ELAVL2: variants seen among roughly 807,000 people sequenced by gnomAD.
ELAVL2 encodes the protein ELAV like RNA binding protein 2, also known as ELAV-like protein 2.
In ELAVL2, 4 loss-of-function variants were observed where a neutral mutation model predicts 34.6. That is an observed-to-expected ratio of 0.12 (90% CI 0.06 to 0.26). The LOEUF is 0.26. Ranked by LOEUF, ELAVL2 falls within the 10% of genes least tolerant of loss-of-function variation. The pLI, the probability that ELAVL2 is intolerant of heterozygous loss-of-function variation, is 1.00. For synonymous variants in ELAVL2, 193 were observed against 154.8 expected (o/e 1.25, Z -1.83); for missense variants, 432 against 442.8 (o/e 0.98, Z 0.22).
At chr9:23,806,405 G>GC (rs2062227213) in intron 1 of ELAVL2, among the ~76,000 whole-genome samples, 1 of 152,240 alleles carries the variant, frequency 6.6e-6, no homozygotes, top group Non-Finnish European at 1.5e-5. Context: ...GAAGTCCAAA[G>GC]CAGAAGGATC....
At chr9:23,712,162 T>C (rs1038396395) in intron 3 of ELAVL2, among the ~76,000 whole-genome samples, 4 of 152,012 alleles carry the variant, frequency 2.6e-5, no homozygotes, top group African/African-American at 7.2e-5. Flanking sequence ...ATCTGGGAAA[T>C]AGGAAGACTG....
At chr9:23,741,753 C>A (rs1413096228) in intron 2 of ELAVL2, among the ~76,000 whole-genome samples, 1 of 147,880 alleles carries the variant, frequency 6.8e-6, no homozygotes, top group Non-Finnish European at 1.5e-5. Context: ...AGATCCTGCA[C>A]CACTTCTGCA....
chr9:23,722,122 A>C (rs1417368530), intron 3 of ELAVL2, among the ~76,000 whole-genome samples: 1 of 152,248 alleles, frequency 6.6e-6, no homozygotes, highest in South Asian at 2.1e-4. Flanking sequence ...ACACACACTA[A>C]AAGTAATGAT....
chr9:23,723,158 CTT>C lies in ELAVL2; in HGVS notation c.333+7862_333+7863del, dbSNP rs557628825. Among the ~76,000 whole-genome samples, 160 of 152,244 alleles carry C rather than the reference CTT, an allele frequency of 1.1e-3. 1 individual carries two copies. The highest frequency in any genetic ancestry group is 3.5e-3 in the African/African-American group (147 of 41,538). On this transcript the variant is annotated intron_variant, in intron 3 of 6. Coordinates refer to ENST00000397312, the MANE Select transcript of ELAVL2 (RefSeq NM_004432.5). ...GCGGCACTATTCACAATAGCAAAGA[CTT>C]GGAACCAACCCAAATGTCCAACAAT...
upstream of ELAVL2, among the ~76,000 whole-genome samples, chr9:23,827,139 T>G (rs1303974543): frequency 6.6e-6 from 1 of 152,220 alleles, no homozygotes; most frequent in African/African-American, 2.4e-5. Flanking sequence ...TATATAAAAC[T>G]GGAACAAGCC....
intron 1 of ELAVL2, among the ~76,000 whole-genome samples, chr9:23,763,229 T>C (rs1306398741): frequency 6.6e-6 from 1 of 152,056 alleles, no homozygotes; most frequent in Admixed American, 6.6e-5. Flanking sequence ...AAGAACAGAA[T>C]TGGGGAAAAT....
chr9:23,796,361 T>C (rs565267319), intron 1 of ELAVL2, among the ~76,000 whole-genome samples: 15 of 152,366 alleles, frequency 9.8e-5, no homozygotes, highest in African/African-American at 3.6e-4. Context: ...TTACTGTCCA[T>C]TTGAAGAGCG....
chr9:23,739,988 A>G (rs2048778168), intron 2 of ELAVL2, among the ~76,000 whole-genome samples: 1 of 152,182 alleles, frequency 6.6e-6, no homozygotes, highest in African/African-American at 2.4e-5. Context: ...AGAACGGGAA[A>G]CTATAAAATT....
intron 1 of ELAVL2, among the ~76,000 whole-genome samples, chr9:23,770,864 TAGA>T (rs1588311563): frequency 1.3e-5 from 2 of 152,158 alleles, no homozygotes; most frequent in African/African-American, 2.4e-5. Context: ...TGGAGATATC[TAGA>T]AGAAAAGATT....
chr9:23,779,187 A>AC, intron 1 of ELAVL2: 6 of 985,298 alleles, frequency 6.1e-6, no homozygotes, highest in Non-Finnish European at 7.2e-6. Context: ...TTTGGAGGTA[A>AC]AACAGGAGGT....
intron 2 of ELAVL2, among the ~76,000 whole-genome samples, chr9:23,761,650 C>T (rs35382026): frequency 0.03 from 4,540 of 152,032 alleles, 86 homozygotes; most frequent in East Asian, 0.073. Flanking sequence ...CTCTCCCAAA[C>T]ACATATTGTA....
At chr9:23,727,643 C>G (rs542779457) in intron 3 of ELAVL2, among the ~76,000 whole-genome samples, 32 of 152,108 alleles carry the variant, frequency 2.1e-4, no homozygotes, top group African/African-American at 7.5e-4. Context: ...GGACAGGGAT[C>G]GAGTAGATCT....
intron 2 of ELAVL2, among the ~76,000 whole-genome samples, chr9:23,747,646 G>C (rs1466132517): frequency 6.6e-6 from 1 of 152,138 alleles, no homozygotes; most frequent in African/African-American, 2.4e-5. Context: ...CTACAAACAT[G>C]AGTGCAAAGT....
chr9:23,707,292 CTTAAT>C (rs1324495211), intron 3 of ELAVL2, among the ~76,000 whole-genome samples: 1 of 152,180 alleles, frequency 6.6e-6, no homozygotes, highest in Non-Finnish European at 1.5e-5. Flanking sequence ...TCAATGAAAA[CTTAAT>C]TTCTTTTCTC....
At chr9:23,714,509 C>T (rs931842050) in intron 3 of ELAVL2, among the ~76,000 whole-genome samples, 2 of 152,176 alleles carry the variant, frequency 1.3e-5, no homozygotes, top group Non-Finnish European at 2.9e-5. Flanking sequence ...AGAGAGCAAA[C>T]ATTCAACATC....
chr9:23,753,779 C>T (rs952580919), intron 2 of ELAVL2, among the ~76,000 whole-genome samples: 2 of 152,088 alleles, frequency 1.3e-5, no homozygotes, highest in African/African-American at 2.4e-5. Context: ...AGACTACCCC[C>T]CAGAAAAGGT....
At chr9:23,792,494 T>G (rs543877708) in intron 1 of ELAVL2, among the ~76,000 whole-genome samples, 1 of 152,172 alleles carries the variant, frequency 6.6e-6, no homozygotes, top group African/African-American at 2.4e-5. Flanking sequence ...CAAGCCTTTA[T>G]CATCATATAC....
At chr9:23,704,183 T>TG (rs2038513823) in intron 4 of ELAVL2, among the ~76,000 whole-genome samples, 1 of 142,904 alleles carries the variant, frequency 7.0e-6, no homozygotes, top group Non-Finnish European at 1.6e-5. Context: ...CCGCCCTCCT[T>TG]GGCCTCCCAA....
At chr9:23,805,069 G>A (rs1168752751) in intron 1 of ELAVL2, among the ~76,000 whole-genome samples, 1 of 152,122 alleles carries the variant, frequency 6.6e-6, no homozygotes, top group Non-Finnish European at 1.5e-5. Context: ...TAAATGCTCT[G>A]ACAAACCCCT....
Sources: allele counts gnomAD v4.1 joint callset (sites outside exome capture counted in the v4.1 genomes callset), GRCh38; gene constraint gnomAD v4.1.1; transcripts MANE v1.5; gene names NCBI Gene and HGNC (gene_info 2026-07-23, HGNC 2026-07-21).